The following NALF1 variants were observed in gnomAD, a reference collection of about 807,000 sequenced individuals.
NALF1 encodes the protein family with sequence similarity 155 member A.
NALF1 carries 3 observed loss-of-function variants against 48.4 expected under a neutral mutation model. The observed-to-expected ratio is 0.06, with a 90% CI of 0.03 to 0.16. NALF1 has a LOEUF of 0.16. Ranked by LOEUF, NALF1 falls within the 10% of genes least tolerant of loss-of-function variation. The probability of loss-of-function intolerance (pLI) is 1.00; values close to 1 mark genes in which losing one functional copy is unlikely to be tolerated. For synonymous variants in NALF1, 262 were observed against 245.7 expected, an observed-to-expected ratio of 1.07 and a Z score of -0.62; for missense variants, 526 against 571.5, an observed-to-expected ratio of 0.92 and a Z score of 0.81.
At chr13:107,759,929 G>C (rs1365157812) in intron 1 of NALF1, among the ~76,000 whole-genome samples, 1 of 152,084 alleles carries the variant, frequency 6.6e-6, no homozygotes, top group East Asian at 1.9e-4. Flanking sequence ...CGTGAAACCA[G>C]AGCAGGTTAT....
chr13:107,349,351 G>T (rs1882829971), intron 1 of NALF1, among the ~76,000 whole-genome samples: 1 of 152,014 alleles, frequency 6.6e-6, no homozygotes, highest in Admixed American at 6.6e-5. Context: ...AGTGACGTCT[G>T]CCCCTTGTTG....
intron 1 of NALF1, among the ~76,000 whole-genome samples, chr13:107,279,974 T>C (rs1038487023): frequency 4.6e-5 from 7 of 152,284 alleles, no homozygotes; most frequent in Middle Eastern, 3.4e-3. Context: ...TTTTGTATTA[T>C]AGAGATGAGG....
chr13:107,707,071 C>T (rs1324481248), intron 1 of NALF1, among the ~76,000 whole-genome samples: 3 of 150,952 alleles, frequency 2.0e-5, no homozygotes, highest in Non-Finnish European at 4.4e-5. Flanking sequence ...TACAGGCGCC[C>T]GCCACTACGC....
Position 107,372,430 on chromosome 13 carries a change from C to A in NALF1, c.916-161675G>T, listed in dbSNP as rs564322574. ...AATATAAATTATAATTTGCGTATAACCACATCATTTTACTCTCATAGTCCA... is the reference window on the plus strand; with the variant it reads ...AATATAAATTATAATTTGCGTATAAACACATCATTTTACTCTCATAGTCCA... On this transcript the variant is annotated intron_variant, in intron 1 of 2. Coordinates refer to ENST00000375915, the MANE Select transcript of NALF1 (RefSeq NM_001080396.3). Among the ~76,000 whole-genome samples, 33 of 152,322 alleles carry A rather than the reference C, an allele frequency of 2.2e-4. No individual in the cohort carries two copies. In the South Asian group the frequency reaches 6.6e-3, roughly 31 times the overall value.
intron 2 of NALF1, among the ~76,000 whole-genome samples, chr13:107,178,858 T>G (rs367987515): frequency 2.6e-5 from 4 of 151,320 alleles, no homozygotes; most frequent in South Asian, 4.2e-4. Context: ...GTCAGGAGAA[T>G]GGCGTGAACC....
intron 1 of NALF1, among the ~76,000 whole-genome samples, chr13:107,750,052 T>A (rs1876891136): frequency 6.6e-6 from 1 of 152,112 alleles, no homozygotes; most frequent in Non-Finnish European, 1.5e-5. Context: ...TCTCCTGACC[T>A]CATGATCCAC....
intron 1 of NALF1, among the ~76,000 whole-genome samples, chr13:107,467,259 A>C (rs1885019128): frequency 6.6e-6 from 1 of 152,184 alleles, no homozygotes; most frequent in African/African-American, 2.4e-5. Flanking sequence ...TTCTATTACA[A>C]GTAGAAATGA....
chr13:107,591,314 C>T (rs950390823), intron 1 of NALF1, among the ~76,000 whole-genome samples: 2 of 151,862 alleles, frequency 1.3e-5, no homozygotes, highest in African/African-American at 4.8e-5. Context: ...TTTGAGTGAC[C>T]AAGTTTAATA....
At chr13:107,526,917 T>C (rs1876465541) in intron 1 of NALF1, among the ~76,000 whole-genome samples, 1 of 152,146 alleles carries the variant, frequency 6.6e-6, no homozygotes. Context: ...AATGACAGGA[T>C]GAAATTAAAG....
At chr13:107,352,146 C>T (rs945280229) in intron 1 of NALF1, among the ~76,000 whole-genome samples, 4 of 152,090 alleles carry the variant, frequency 2.6e-5, no homozygotes, top group Non-Finnish European at 5.9e-5. Context: ...ACAGAGGAAC[C>T]CTGTGTGCAG....
intron 1 of NALF1, among the ~76,000 whole-genome samples, chr13:107,229,982 A>G (rs1018777658): frequency 1.3e-5 from 2 of 152,218 alleles, no homozygotes; most frequent in East Asian, 3.9e-4. Context: ...AGTAGAGAGA[A>G]GTCCTGTTGC....
At chr13:107,586,934 A>T (rs536667231) in intron 1 of NALF1, among the ~76,000 whole-genome samples, 20 of 152,216 alleles carry the variant, frequency 1.3e-4, no homozygotes, top group African/African-American at 4.6e-4. Flanking sequence ...TTATGCTAGC[A>T]AACTTATATA....
At chr13:107,734,045 G>T (rs1391521464) in intron 1 of NALF1, among the ~76,000 whole-genome samples, 2 of 152,158 alleles carry the variant, frequency 1.3e-5, no homozygotes, top group Non-Finnish European at 2.9e-5. Flanking sequence ...ACAGTGGTAA[G>T]TATTTGTGTA....
chr13:107,847,660 A>G (rs540851618), intron 1 of NALF1, among the ~76,000 whole-genome samples: 48 of 152,306 alleles, frequency 3.2e-4, no homozygotes, highest in South Asian at 6.2e-4. Context: ...TGAGATCCTC[A>G]GCTCAACAGC....
intron 1 of NALF1, among the ~76,000 whole-genome samples, chr13:107,814,690 C>T (rs9520590): frequency 0.29 from 43,584 of 151,656 alleles, 8,211 homozygotes; most frequent in African/African-American, 0.53. Flanking sequence ...GAATCGAAAA[C>T]GGAAAGAATT....
chr13:107,782,798 G>A (rs1325249445), intron 1 of NALF1, among the ~76,000 whole-genome samples: 2 of 151,254 alleles, frequency 1.3e-5, no homozygotes, highest in African/African-American at 2.4e-5. Flanking sequence ...TCTGAGAAGG[G>A]AGGAGCCCCT....
intron 1 of NALF1, among the ~76,000 whole-genome samples, chr13:107,222,754 G>T (rs1235141465): frequency 1.3e-5 from 2 of 152,156 alleles, no homozygotes; most frequent in African/African-American, 4.8e-5. Context: ...TTAACATAAG[G>T]GCAAGAACCT....
At chr13:107,439,474 A>G (rs1884521274) in intron 1 of NALF1, among the ~76,000 whole-genome samples, 2 of 152,198 alleles carry the variant, frequency 1.3e-5, no homozygotes, top group Non-Finnish European at 1.5e-5. Context: ...AGGTCTTCAC[A>G]GTGAAGAATG....
intron 1 of NALF1, among the ~76,000 whole-genome samples, chr13:107,411,932 C>T (rs920390911): frequency 6.6e-6 from 1 of 152,122 alleles, no homozygotes; most frequent in African/African-American, 2.4e-5. Context: ...GAGGTGGCAG[C>T]AAGGTGTGGC....
Sources: allele counts gnomAD v4.1 joint callset (sites outside exome capture counted in the v4.1 genomes callset), GRCh38; gene constraint gnomAD v4.1.1; transcripts MANE v1.5; gene names NCBI Gene and HGNC (gene_info 2026-07-23, HGNC 2026-07-21).